Variants in DLG2 observed in about 807,000 individuals in gnomAD.
The protein encoded by DLG2 is disks large homolog 2.
Under a neutral mutation model 132.5 loss-of-function variants are expected in DLG2, and 45 were observed. The observed-to-expected ratio is 0.34, with a 90% confidence interval of 0.27 to 0.44. The LOEUF (loss-of-function observed/expected upper bound fraction) is 0.44. Ranked by LOEUF, DLG2 falls within the 20% of genes least tolerant of loss-of-function variation. The pLI is 1.00. For synonymous variants in DLG2, 424 were observed against 419.6 expected (o/e 1.01, Z -0.13); for missense variants, 1,045 against 1,196.9 (o/e 0.87, Z 1.87).
intron 6 of DLG2, among the ~76,000 whole-genome samples, chr11:84,955,986 C>G (rs2051606757): frequency 6.6e-6 from 1 of 152,082 alleles, no homozygotes; most frequent in South Asian, 2.1e-4. Context: ...GAAGGCTTAG[C>G]AGATAATGGG....
At chr11:84,993,835 T>C (rs2057378688) in intron 6 of DLG2, among the ~76,000 whole-genome samples, 1 of 152,142 alleles carries the variant, frequency 6.6e-6, no homozygotes, top group African/African-American at 2.4e-5. Context: ...TCAGCTGGAC[T>C]GGCAGAGCAG....
At chr11:85,205,332 A>T (rs1033246811) in intron 4 of DLG2, among the ~76,000 whole-genome samples, 1 of 152,018 alleles carries the variant, frequency 6.6e-6, no homozygotes, top group Admixed American at 6.6e-5. Context: ...AGCTAAAAAA[A>T]AGTGGATCTC....
intron 18 of DLG2, among the ~76,000 whole-genome samples, chr11:83,733,521 T>G (rs531783200): frequency 7.9e-5 from 12 of 152,294 alleles, no homozygotes; most frequent in Non-Finnish European, 1.6e-4. Flanking sequence ...AGTGCTCAGG[T>G]GGCTGAATGA....
intron 3 of DLG2, among the ~76,000 whole-genome samples, chr11:85,506,299 T>C (rs2093931480): frequency 1.3e-5 from 2 of 152,210 alleles, no homozygotes; most frequent in South Asian, 4.1e-4. Context: ...TTCTTTTAAT[T>C]GTGGTGTTAG....
Position 85,510,562 on chromosome 11 carries a change from G to A in DLG2, c.40+88095C>T, listed in dbSNP as rs184024267. On this transcript the variant is annotated intron_variant, in intron 3 of 27. Coordinates refer to ENST00000376104, the MANE Select transcript of DLG2 (RefSeq NM_001142699.3). ...ACAACCCCATCAAAAAGTCGGCAAA[G>A]GATATGAACAGACACTTCTCAAAAG... Among the ~76,000 whole-genome samples, 6 of 151,904 alleles carry A rather than the reference G, an allele frequency of 3.9e-5. No individual in the cohort carries two copies. The East Asian group carries it at 1.2e-3, about 29-fold the overall frequency.
At chr11:84,841,703 T>C (rs958838142) in intron 6 of DLG2, among the ~76,000 whole-genome samples, 3 of 152,018 alleles carry the variant, frequency 2.0e-5, no homozygotes, top group Admixed American at 1.3e-4. Flanking sequence ...CTTTATGGTC[T>C]TTTCCAATGT....
chr11:85,235,775 T>A (rs548685998), intron 4 of DLG2, among the ~76,000 whole-genome samples: 1 of 151,896 alleles, frequency 6.6e-6, no homozygotes, highest in Admixed American at 6.6e-5. Context: ...GATGAAAAAG[T>A]GGTGAGGATC....
At chr11:83,584,032 G>C (rs931769801) in intron 19 of DLG2, among the ~76,000 whole-genome samples, 3 of 152,166 alleles carry the variant, frequency 2.0e-5, no homozygotes, top group Admixed American at 2.0e-4. Flanking sequence ...GCCAGGCTTA[G>C]TCTTCTGATT....
chr11:84,850,142 C>T (rs569227141), intron 6 of DLG2, among the ~76,000 whole-genome samples: 4 of 152,200 alleles, frequency 2.6e-5, no homozygotes, highest in African/African-American at 9.6e-5. Flanking sequence ...TTCTATCTGC[C>T]ACACACTAAT....
At chr11:85,253,427 G>A (rs2076499965) in intron 4 of DLG2, among the ~76,000 whole-genome samples, 1 of 152,142 alleles carries the variant, frequency 6.6e-6, no homozygotes, top group Non-Finnish European at 1.5e-5. Context: ...AGTGCTGGGA[G>A]GGGTGAACTC....
chr11:84,979,862 G>T (rs971233696), intron 6 of DLG2, among the ~76,000 whole-genome samples: 6 of 151,532 alleles, frequency 4.0e-5, no homozygotes, highest in Admixed American at 6.6e-5. Flanking sequence ...CTTTGTTATT[G>T]GGTGCACATA....
intron 14 of DLG2, among the ~76,000 whole-genome samples, chr11:83,957,255 T>C (rs767405398): frequency 2.6e-5 from 4 of 152,110 alleles, no homozygotes; most frequent in African/African-American, 7.2e-5. Flanking sequence ...AGTTAAACAA[T>C]AAGAGATAAG....
At chr11:85,323,350 T>C (rs939222207) in intron 3 of DLG2, among the ~76,000 whole-genome samples, 1 of 152,254 alleles carries the variant, frequency 6.6e-6, no homozygotes, top group Admixed American at 6.5e-5. Context: ...TAATTACTTA[T>C]TAAATGCCCT....
intron 19 of DLG2, among the ~76,000 whole-genome samples, chr11:83,593,602 A>G (rs2097229601): frequency 6.6e-6 from 1 of 151,734 alleles, no homozygotes; most frequent in South Asian, 2.1e-4. Flanking sequence ...TATGTAACTA[A>G]CCTGCACAAT....
In DLG2 at chr11:85,125,130, T is replaced by C. The variant is rs375765092; in HGVS notation, c.283-13395A>G. Among the ~76,000 whole-genome samples the C allele has an allele frequency of 3.2e-4, 48 of 152,358 alleles. No homozygotes were observed. In the South Asian group the frequency reaches 9.9e-3, roughly 32 times the overall value. On this transcript the variant is annotated intron_variant, in intron 5 of 27. Coordinates refer to ENST00000376104, the MANE Select transcript of DLG2 (RefSeq NM_001142699.3). ...CAGGCGTGAGCCACCGTGCCCAGCC[T>C]GAGCGCAGTAAATGTGTAAATGTTA...
intron 7 of DLG2, among the ~76,000 whole-genome samples, chr11:84,507,321 G>A (rs2154513270): frequency 6.6e-6 from 1 of 152,310 alleles, no homozygotes; most frequent in African/African-American, 2.4e-5. Flanking sequence ...AATAATGTGT[G>A]ACCAAAGTGC....
chr11:85,579,899 G>C (rs2078404933), intron 3 of DLG2, among the ~76,000 whole-genome samples: 1 of 152,128 alleles, frequency 6.6e-6, no homozygotes. Context: ...CACAGAAATA[G>C]GAGAGAAGCC....
At chr11:85,535,746 C>T (rs2075536513) in intron 3 of DLG2, among the ~76,000 whole-genome samples, 1 of 152,122 alleles carries the variant, frequency 6.6e-6, no homozygotes, top group Admixed American at 6.5e-5. Flanking sequence ...ATCCAACAAT[C>T]AACTCATGAA....
chr11:85,546,416 G>A (rs1044639770), intron 3 of DLG2, among the ~76,000 whole-genome samples: 1 of 152,126 alleles, frequency 6.6e-6, no homozygotes, highest in Non-Finnish European at 1.5e-5. Flanking sequence ...TTCCAATTAT[G>A]TGGCCAATTT....
Sources: allele counts gnomAD v4.1 joint callset (sites outside exome capture counted in the v4.1 genomes callset), GRCh38; gene constraint gnomAD v4.1.1; transcripts MANE v1.5; gene names NCBI Gene and HGNC (gene_info 2026-07-23, HGNC 2026-07-21).